The following HDAC11 variants were observed in gnomAD, a reference collection of about 807,000 sequenced individuals.
HDAC11 encodes histone deacetylase 11.
HDAC11 carries 23 observed loss-of-function variants against 41.1 expected under a neutral mutation model. The observed-to-expected ratio is 0.56, with a 90% CI of 0.40 to 0.79. The LOEUF is 0.79. Ranked by LOEUF, HDAC11 falls within the 30% of genes least tolerant of loss-of-function variation. The pLI is 0.00. For synonymous variants in HDAC11, 187 were observed against 186.6 expected, an observed-to-expected ratio of 1.00 and a Z score of -0.02; for missense variants, 402 against 477.3, an observed-to-expected ratio of 0.84 and a Z score of 1.47.
intron 4 of HDAC11, among the ~76,000 whole-genome samples, chr3:13,498,081 C>T (rs910518100): frequency 2.6e-5 from 4 of 152,044 alleles, no homozygotes; most frequent in Admixed American, 6.5e-5. Flanking sequence ...GTCTTGAACT[C>T]CTGACCTCAA....
At chr3:13,496,998 T>C (rs1179477670) in intron 4 of HDAC11, 146 bp downstream of exon 4, 30 of 511,298 alleles carry the variant, frequency 5.9e-5, no homozygotes, top group Non-Finnish European at 9.3e-5. Context: ...CAATGACCCT[T>C]TCTCCAAAAG....
intron 3 of HDAC11, among the ~76,000 whole-genome samples, chr3:13,492,122 G>A (rs1701892961): frequency 6.6e-6 from 1 of 152,254 alleles, no homozygotes; most frequent in South Asian, 2.1e-4. Flanking sequence ...GGCAGAGTGA[G>A]CAGCTGAGCA....
intron 3 of HDAC11, among the ~76,000 whole-genome samples, chr3:13,491,274 T>G (rs936500452): frequency 6.6e-6 from 1 of 152,102 alleles, no homozygotes; most frequent in Non-Finnish European, 1.5e-5. Flanking sequence ...ATCTTTGTCT[T>G]GTTCCTGATC....
intron 4 of HDAC11, among the ~76,000 whole-genome samples, chr3:13,497,841 A>G (rs1305875686): frequency 8.2e-6 from 1 of 121,880 alleles, no homozygotes; most frequent in African/African-American, 3.1e-5. Context: ...AGTCTACTAT[A>G]TTTCTTTTTT....
In HDAC11 at chr3:13,502,059, C is replaced by T. The variant is rs543768338; in HGVS notation, c.552+126C>T. ...CTCACGGCTTCTGTCTTCTGTCTCT[C>T]GGGCTACAAATGCAGGGTCTGTCTT... On this transcript the variant is annotated intron_variant, in intron 7 of 9. Coordinates refer to ENST00000295757, the MANE Select transcript of HDAC11 (RefSeq NM_024827.4). This position sits in a 1 kb window ranked among gnomAD's most constrained non-coding sequence, Gnocchi z 4.1. 15 of 753,496 alleles carry T rather than the reference C, an allele frequency of 2.0e-5. No individual in the cohort carries two copies. Among genetic ancestry groups the T allele is most frequent in the Admixed American group, 1.1e-4 (5 of 43,898 alleles). The allele number at this position is 753,496 out of a possible 1,614,324, so 46.7% of individuals were successfully genotyped here. A position where few individuals can be genotyped will look rare whatever the true frequency, so the allele number is the denominator to read the frequency against.
intron 3 of HDAC11, among the ~76,000 whole-genome samples, chr3:13,486,883 T>C (rs1049483052): frequency 3.9e-5 from 6 of 152,068 alleles, no homozygotes; most frequent in Admixed American, 3.9e-4. Context: ...CTGGCCCTCA[T>C]GTATAGCTTT....
In HDAC11 at chr3:13,501,940, G is replaced by A. The variant is rs1453236415; in HGVS notation, c.552+7G>A. 3.1e-6 allele frequency: 5 copies of A among 1,612,838 alleles called. No individual in the cohort carries two copies. In the East Asian group the frequency reaches 1.1e-4, roughly 36 times the overall value. On this transcript the variant is annotated splice_region_variant and intron_variant, in intron 7 of 9. Transcript: ENST00000295757. ...TGATCTTGATGCCCATCAGGTGAGT[G>A]CCCTGCAGGGGCTGGACTCTTAGGG...
chr3:13,480,724 G>T lies in HDAC11; in HGVS notation c.2+375G>T, dbSNP rs1376806004. 2.0e-6 allele frequency: 1 copy of T among 489,980 alleles called. No individual in the cohort carries two copies. The allele number at this position is 489,980 out of a possible 1,614,324, so 30.4% of individuals were successfully genotyped here. A position where few individuals can be genotyped will look rare whatever the true frequency, so the allele number is the denominator to read the frequency against. ...CGACTGCCAGGGTGTGATGGGAAGG[G>T]TTAGCAGCGCAGCGGGGTCAGGGGA... On this transcript the variant is annotated intron_variant, in intron 1 of 9. Transcript: ENST00000295757. The surrounding 1 kb of genome is among the most constrained non-coding windows in gnomAD (Gnocchi z 4.6).
Position 13,501,864 on chromosome 3 carries a change from CT to C in HDAC11, c.490-6del. 6.2e-7 allele frequency: 1 copy of C among 1,613,850 alleles called. No individual in the cohort carries two copies. On this transcript the variant is annotated splice_polypyrimidine_tract_variant and splice_region_variant and intron_variant, in intron 6 of 9. Coordinates refer to ENST00000295757, the MANE Select transcript of HDAC11 (RefSeq NM_024827.4). Reference sequence around the variant, plus strand: ...GATCCTCATGTCTACCCTCTCCTCCCTGGCAGTTTCTGTTTGAGCGTGTGGA... The same window carrying C: ...GATCCTCATGTCTACCCTCTCCTCCCGGCAGTTTCTGTTTGAGCGTGTGGA...
chr3:13,485,248 A>C (rs1436986377), intron 3 of HDAC11, among the ~76,000 whole-genome samples: 1 of 152,242 alleles, frequency 6.6e-6, no homozygotes, highest in African/African-American at 2.4e-5. Context: ...GTGTGAGCAC[A>C]TGAAAGATTA....
chr3:13,480,471 G>T lies in HDAC11; in HGVS notation c.2+122G>T. 1 of 520,598 alleles carries T rather than the reference G, an allele frequency of 1.9e-6. No homozygotes were observed. Among genetic ancestry groups the T allele is most frequent in the South Asian group, 9.1e-5 (1 of 10,966 alleles). The allele number at this position is 520,598 out of a possible 1,614,324, so 32.2% of individuals were successfully genotyped here. ...GGTAAGGGCCCAGATTTGCTGGTGA[G>T]GGGTGAGGGACGCTCGGGACGGGTG... On this transcript the variant is annotated intron_variant, in intron 1 of 9. Coordinates refer to ENST00000295757, the MANE Select transcript of HDAC11 (RefSeq NM_024827.4). The surrounding 1 kb of genome is among the most constrained non-coding windows in gnomAD (Gnocchi z 4.6).
chr3:13,486,291 A>G (rs1701568514), intron 3 of HDAC11, among the ~76,000 whole-genome samples: 1 of 107,432 alleles, frequency 9.3e-6, no homozygotes, highest in Non-Finnish European at 1.8e-5. Flanking sequence ...AAAAAAAAAG[A>G]AAAAGATGAA....
intron 5 of HDAC11, among the ~76,000 whole-genome samples, chr3:13,500,270 G>A (rs367715648): frequency 1.4e-4 from 22 of 152,192 alleles, no homozygotes; most frequent in African/African-American, 5.1e-4. Context: ...GATGGATCCC[G>A]GGCTCTAGGG....
intron 3 of HDAC11, among the ~76,000 whole-genome samples, chr3:13,490,737 T>TTTTTTC (rs1701815065): frequency 7.8e-6 from 1 of 127,894 alleles, no homozygotes; most frequent in African/African-American, 3.1e-5. Context: ...TTTCTTAGCA[T>TTTTTTC]TTTTTTCTTT....
chr3:13,481,509 AT>A, intron 2 of HDAC11, 115 bp downstream of exon 2: 1 of 1,260,484 alleles, frequency 7.9e-7, no homozygotes, highest in Non-Finnish European at 1.1e-6. Context: ...CAGCCCTCGG[AT>A]GGCCTTCCAC....
chr3:13,498,798 C>T (rs1702225383), intron 5 of HDAC11, among the ~76,000 whole-genome samples: 1 of 152,102 alleles, frequency 6.6e-6, no homozygotes, highest in South Asian at 2.1e-4. Context: ...AAGGAGGTCC[C>T]CGGGTGGTTC....
chr3:13,484,506 A>G (rs574972944), intron 3 of HDAC11, among the ~76,000 whole-genome samples: 1 of 151,858 alleles, frequency 6.6e-6, no homozygotes, highest in African/African-American at 2.4e-5. Context: ...GAAGCCAGGA[A>G]TCCAGATTAT....
chr3:13,495,888 C>T (rs1251144365), intron 3 of HDAC11, among the ~76,000 whole-genome samples: 2 of 152,248 alleles, frequency 1.3e-5, no homozygotes, highest in African/African-American at 2.4e-5. Flanking sequence ...CTCTTCATCA[C>T]CACACTCATC....
At chr3:13,481,473 C>T (rs2675232) in intron 2 of HDAC11, 79 bp downstream of exon 2, 358,802 of 1,512,422 alleles carry the variant, frequency 0.24, 47,022 homozygotes, top group Non-Finnish European at 0.27. Flanking sequence ...CAACATAAGC[C>T]TCAGGCTCTC....
Sources: allele counts gnomAD v4.1 joint callset (sites outside exome capture counted in the v4.1 genomes callset), GRCh38; gene constraint gnomAD v4.1.1; non-coding constraint Gnocchi (gnomAD v3.1); transcripts MANE v1.5; gene names NCBI Gene and HGNC (gene_info 2026-07-23, HGNC 2026-07-21).